Variants in GRID1 observed in about 807,000 individuals in gnomAD.
GRID1 encodes the protein glutamate receptor ionotropic, delta-1.
GRID1 carries 28 observed loss-of-function variants against 98.0 expected under a neutral mutation model. That is an observed-to-expected ratio of 0.29 (90% CI 0.21 to 0.39). The LOEUF is 0.39. Ranked by LOEUF, GRID1 falls within the 10% of genes least tolerant of loss-of-function variation. The pLI is 1.00. For synonymous variants in GRID1, 553 were observed against 538.5 expected (o/e 1.03, Z -0.37); for missense variants, 1,111 against 1,340.5 (o/e 0.83, Z 2.67).
At chr10:85,807,805 A>G (rs1842636200) in intron 8 of GRID1, among the ~76,000 whole-genome samples, 1 of 152,164 alleles carries the variant, frequency 6.6e-6, no homozygotes, top group Non-Finnish European at 1.5e-5. Flanking sequence ...ACATTGGAAA[A>G]CAAATAGATA....
At chr10:85,963,342 T>C (rs1350650112) in intron 4 of GRID1, among the ~76,000 whole-genome samples, 1 of 152,172 alleles carries the variant, frequency 6.6e-6, no homozygotes, top group Non-Finnish European at 1.5e-5. Context: ...TCCCAGGTAT[T>C]GACCATCACC....
chr10:86,362,273 C>T (rs563973092), intron 2 of GRID1, among the ~76,000 whole-genome samples: 3 of 152,296 alleles, frequency 2.0e-5, no homozygotes, highest in African/African-American at 7.2e-5. Context: ...GGGTTCCTTC[C>T]GCTAAGAAGG....
chr10:85,702,066 T>C (rs1326255257), intron 12 of GRID1, among the ~76,000 whole-genome samples: 2 of 152,124 alleles, frequency 1.3e-5, no homozygotes, highest in Admixed American at 1.3e-4. Context: ...TATATTTACA[T>C]AATATTGTGT....
At chr10:86,203,988 T>C (rs1409029638) in intron 3 of GRID1, among the ~76,000 whole-genome samples, 1 of 152,164 alleles carries the variant, frequency 6.6e-6, no homozygotes, top group Non-Finnish European at 1.5e-5. Context: ...TTTATGGAAT[T>C]ACTGATAAGG....
chr10:86,313,990 C>A (rs1468523412), intron 2 of GRID1, among the ~76,000 whole-genome samples: 1 of 152,254 alleles, frequency 6.6e-6, no homozygotes, highest in Non-Finnish European at 1.5e-5. Flanking sequence ...AATCTAACCA[C>A]TAACCTATCA....
chr10:86,360,681 C>G (rs1012332997), intron 2 of GRID1, among the ~76,000 whole-genome samples: 1 of 152,164 alleles, frequency 6.6e-6, no homozygotes, highest in South Asian at 2.1e-4. Flanking sequence ...TACAGAACAC[C>G]CACCGCAGGC....
intron 2 of GRID1, among the ~76,000 whole-genome samples, chr10:86,247,159 TGATGGATG>T (rs541609592): frequency 1.8e-4 from 27 of 151,028 alleles, no homozygotes; most frequent in African/African-American, 4.6e-4. Context: ...GATGAGTGGA[TGATGGATG>T]GATGGATGGA....
chr10:86,209,725 T>G (rs2607831), intron 2 of GRID1, among the ~76,000 whole-genome samples: 52,553 of 152,008 alleles, frequency 0.35, 9,224 homozygotes, highest in East Asian at 0.49. Context: ...GTCCAGGAAC[T>G]CCAATGCTCA....
intron 8 of GRID1, among the ~76,000 whole-genome samples, chr10:85,774,275 T>C (rs1842305869): frequency 6.6e-6 from 1 of 152,188 alleles, no homozygotes; most frequent in Non-Finnish European, 1.5e-5. Context: ...TAGCCATATG[T>C]AGAAGGCTGA....
Position 85,647,328 on chromosome 10 carries a change from C to T in GRID1, c.2067G>A (p.Glu689=), listed in dbSNP as rs536824191. ...GGTTGGTGCCCTTGGCTCGGAAGTA[C>T]TCATATACAGCAGAATCCCGGACAG... ...YGTVRDSAVY[E]YFRAKGTNPL... is the part of the protein sequence containing the mutation. Residue 689 remains glutamate (E), a synonymous_variant, in exon 13 of 16, where the codon GAG becomes GAA. Coordinates refer to ENST00000327946, the MANE Select transcript of GRID1 (RefSeq NM_017551.3). 16 of 1,614,086 alleles carry T rather than the reference C, an allele frequency of 9.9e-6. No homozygotes were observed. The highest frequency in any genetic ancestry group is 1.3e-5 in the Non-Finnish European group (15 of 1,180,010).
At chr10:86,181,059 C>T (rs541666957) in intron 3 of GRID1, among the ~76,000 whole-genome samples, 10 of 152,316 alleles carry the variant, frequency 6.6e-5, no homozygotes, top group African/African-American at 1.9e-4. Context: ...GGGCAGGATA[C>T]AGCCACGAGG....
intron 4 of GRID1, among the ~76,000 whole-genome samples, chr10:86,082,392 C>A (rs1843989801): frequency 6.6e-6 from 1 of 152,170 alleles, no homozygotes; most frequent in South Asian, 2.1e-4. Flanking sequence ...TGCCCAGGGG[C>A]AGCGGCAGGT....
intron 8 of GRID1, among the ~76,000 whole-genome samples, chr10:85,775,270 G>C (rs1419338972): frequency 7.2e-6 from 1 of 139,134 alleles, no homozygotes; most frequent in Non-Finnish European, 1.5e-5. Context: ...GGTGGGAATT[G>C]AACAATGAGA....
chr10:85,968,632 C>G (rs924977638), intron 4 of GRID1, among the ~76,000 whole-genome samples: 4 of 151,956 alleles, frequency 2.6e-5, no homozygotes, highest in Non-Finnish European at 5.9e-5. Context: ...TTAATCTGTT[C>G]CAGTTTGTTT....
intron 2 of GRID1, among the ~76,000 whole-genome samples, chr10:86,239,173 G>C (rs1846587412): frequency 6.6e-6 from 1 of 152,250 alleles, no homozygotes; most frequent in Non-Finnish European, 1.5e-5. Context: ...CTGGATATGA[G>C]ACATAGAGTC....
In GRID1 at chr10:86,279,318, C is replaced by A. The variant is rs900815934; in HGVS notation, c.236-72670G>T. On this transcript the variant is annotated intron_variant, in intron 2 of 15. Transcript: ENST00000327946. ...ACTGATAAGCTTCCAGTTGACAGTA[C>A]TTTGTTATAGCAGCCTTATAAACGA... Among the ~76,000 whole-genome samples, 18 of 152,160 alleles carry A rather than the reference C, an allele frequency of 1.2e-4. 1 individual carries two copies. The highest frequency in any genetic ancestry group is 1.5e-5 in the Non-Finnish European group (1 of 68,036).
intron 12 of GRID1, among the ~76,000 whole-genome samples, chr10:85,722,090 T>C (rs1564570138): frequency 1.3e-5 from 2 of 152,178 alleles, no homozygotes; most frequent in African/African-American, 4.8e-5. Flanking sequence ...TCATACTGAA[T>C]CTTGAATCCT....
chr10:86,255,893 T>C lies in GRID1; in HGVS notation c.236-49245A>G, dbSNP rs573913639. The stretch of plus-strand genomic sequence containing the variant: ...CTCCCATGTCCAACACAGTCTGCCC[T>C]GTCTTCTGAAGCTGCCGCACCCCCA... On this transcript the variant is annotated intron_variant, in intron 2 of 15. Transcript: ENST00000327946. Among the ~76,000 whole-genome samples the C allele has an allele frequency of 4.6e-5, 7 of 152,240 alleles. No homozygotes were observed. The South Asian group carries it at 1.5e-3, about 32-fold the overall frequency.
chr10:86,240,459 G>C (rs1465387045), intron 2 of GRID1, among the ~76,000 whole-genome samples: 1 of 152,220 alleles, frequency 6.6e-6, no homozygotes, highest in Non-Finnish European at 1.5e-5. Context: ...CCATGCTGGA[G>C]GGCCAGGGGC....
Sources: gnomAD v4.1 joint callset for allele counts (sites outside exome capture counted in the v4.1 genomes callset) on GRCh38, gnomAD v4.1.1 for gene constraint, MANE v1.5 for transcripts, NCBI Gene and HGNC (gene_info 2026-07-23, HGNC 2026-07-21) for gene names.